The following R3HDM2 variants were observed in gnomAD, a reference collection of about 807,000 sequenced individuals.
R3HDM2 encodes the protein R3H domain-containing protein 2.
A neutral mutation model predicts 124.5 loss-of-function variants in R3HDM2; 38 were observed. That is an observed-to-expected ratio of 0.31 (90% CI 0.24 to 0.40). The LOEUF is 0.40. R3HDM2 is among the 10% of genes least tolerant of loss of function. The probability of loss-of-function intolerance (pLI) is 1.00; values close to 1 mark genes in which losing one functional copy is unlikely to be tolerated. For synonymous variants in R3HDM2, 391 were observed against 448.0 expected (o/e 0.87, Z 1.61); for missense variants, 869 against 1,236.9 (o/e 0.70, Z 4.46).
chr12:57,361,134 G>C (rs950399888), intron 2 of R3HDM2, among the ~76,000 whole-genome samples: 1 of 150,874 alleles, frequency 6.6e-6, no homozygotes, highest in African/African-American at 2.4e-5. Flanking sequence ...CCAGAACTTT[G>C]GGAGGCCGAA....
intron 2 of R3HDM2, among the ~76,000 whole-genome samples, chr12:57,340,578 T>A (rs2059435219): frequency 6.6e-6 from 1 of 152,150 alleles, no homozygotes; most frequent in African/African-American, 2.4e-5. Flanking sequence ...TTAATATAAT[T>A]GAACTATCAT....
chr12:57,421,460 T>TC (rs1259776009), intron 1 of R3HDM2, among the ~76,000 whole-genome samples: 2 of 149,442 alleles, frequency 1.3e-5, no homozygotes, highest in African/African-American at 2.5e-5. Context: ...CTTTTTTTTT[T>TC]TTTTTTTTTT....
intron 7 of R3HDM2, 121 bp downstream of exon 7, chr12:57,297,969 G>C: frequency 5.5e-6 from 4 of 728,196 alleles, no homozygotes; most frequent in Non-Finnish European, 1.0e-5. Flanking sequence ...ACAAATACTA[G>C]GGGGACAGGA....
At chr12:57,385,480 G>A (rs1038243636) in intron 2 of R3HDM2, among the ~76,000 whole-genome samples, 2 of 151,820 alleles carry the variant, frequency 1.3e-5, no homozygotes, top group Non-Finnish European at 2.9e-5. Context: ...CTGACCTCGC[G>A]ATCCGCCCAC....
chr12:57,358,068 T>C (rs111781122), intron 2 of R3HDM2, among the ~76,000 whole-genome samples: 8,242 of 151,404 alleles, frequency 0.054, 646 homozygotes, highest in African/African-American at 0.17. Context: ...AACCCCTGCC[T>C]CCCAGATTCA....
intron 12 of R3HDM2, among the ~76,000 whole-genome samples, chr12:57,285,446 A>AGAGAGT (rs1555225800): frequency 1.4e-5 from 2 of 147,676 alleles, no homozygotes; most frequent in East Asian, 4.0e-4. Flanking sequence ...AGAGAGAGAG[A>AGAGAGT]GTGTGTGTGT....
intron 1 of R3HDM2, among the ~76,000 whole-genome samples, chr12:57,400,194 A>G (rs990800084): frequency 7.9e-5 from 12 of 152,306 alleles, no homozygotes; most frequent in African/African-American, 2.9e-4. Flanking sequence ...AATGTCCAAC[A>G]ATGATAGACT....
intron 2 of R3HDM2, among the ~76,000 whole-genome samples, chr12:57,328,388 C>T (rs2057627140): frequency 6.6e-6 from 1 of 152,046 alleles, no homozygotes; most frequent in Non-Finnish European, 1.5e-5. Flanking sequence ...GAAATTGCCA[C>T]AGCTACCCCA....
chr12:57,405,658 G>A (rs994843139), intron 1 of R3HDM2, among the ~76,000 whole-genome samples: 1 of 152,080 alleles, frequency 6.6e-6, no homozygotes, highest in Non-Finnish European at 1.5e-5. Flanking sequence ...CCAACCTACA[G>A]TCCAAATGTT....
At chr12:57,334,228 A>G (rs1566210838) in intron 2 of R3HDM2, among the ~76,000 whole-genome samples, 1 of 152,224 alleles carries the variant, frequency 6.6e-6, no homozygotes, top group African/African-American at 2.4e-5. Flanking sequence ...AGAATATGCA[A>G]TTATCAAATT....
intron 13 of R3HDM2, among the ~76,000 whole-genome samples, chr12:57,281,230 T>C (rs1323349845): frequency 7.1e-6 from 1 of 140,316 alleles, no homozygotes; most frequent in Non-Finnish European, 1.5e-5. Context: ...GAGGTTGCAG[T>C]GAGCTGAGAT....
intron 19 of R3HDM2, among the ~76,000 whole-genome samples, chr12:57,264,010 C>T (rs967958395): frequency 1.3e-5 from 2 of 152,050 alleles, no homozygotes; most frequent in Non-Finnish European, 2.9e-5. Flanking sequence ...GACTTCCTGC[C>T]GAGGTGGGCA....
At chr12:57,297,505 T>C (rs923681529) in intron 7 of R3HDM2, 118 bp from the exon 8 acceptor site, 3 of 603,252 alleles carry the variant, frequency 5.0e-6, no homozygotes, top group Admixed American at 6.8e-5. Flanking sequence ...AAGGTATATA[T>C]CCAAACCCAG....
chr12:57,429,319 C>T (rs986825591), intron 1 of R3HDM2, among the ~76,000 whole-genome samples: 4 of 152,168 alleles, frequency 2.6e-5, no homozygotes, highest in African/African-American at 9.7e-5. Flanking sequence ...GTTCATCAGG[C>T]CTTCAAGAAA....
chr12:57,391,202 G>A (rs895867273), intron 2 of R3HDM2, among the ~76,000 whole-genome samples: 6 of 152,090 alleles, frequency 3.9e-5, no homozygotes, highest in African/African-American at 1.4e-4. Flanking sequence ...CCTTCAACAG[G>A]TGAATGATTA....
intron 1 of R3HDM2, among the ~76,000 whole-genome samples, chr12:57,424,144 C>T (rs1442803424): frequency 9.1e-6 from 1 of 109,862 alleles, no homozygotes; most frequent in Non-Finnish European, 1.9e-5. Context: ...AAAAAAGGAA[C>T]AAAGAAACTG....
At chr12:57,369,787 A>C (rs1385492772) in intron 2 of R3HDM2, among the ~76,000 whole-genome samples, 1 of 152,150 alleles carries the variant, frequency 6.6e-6, no homozygotes, top group African/African-American at 2.4e-5. Flanking sequence ...TACTATTGAA[A>C]TCTGGAATTT....
intron 2 of R3HDM2, among the ~76,000 whole-genome samples, chr12:57,386,223 C>T (rs868823544): frequency 3.9e-5 from 6 of 152,242 alleles, no homozygotes; most frequent in Non-Finnish European, 7.3e-5. Flanking sequence ...ACTTGAGGAG[C>T]CCTTCAGCCC....
At chr12:57,382,815 G>A (rs993893782) in intron 2 of R3HDM2, among the ~76,000 whole-genome samples, 4 of 151,628 alleles carry the variant, frequency 2.6e-5, no homozygotes, top group East Asian at 2.0e-4. Flanking sequence ...CAGCCTGGGC[G>A]ACAGAGAGAG....
Sources: allele counts gnomAD v4.1 joint callset (sites outside exome capture counted in the v4.1 genomes callset), GRCh38; gene constraint gnomAD v4.1.1; transcripts MANE v1.5; gene names NCBI Gene and HGNC (gene_info 2026-07-23, HGNC 2026-07-21).